The following POT1 variants were observed in gnomAD, a reference collection of about 807,000 sequenced individuals.
POT1 encodes protection of telomeres protein 1.
A neutral mutation model predicts 78.5 loss-of-function variants in POT1; 47 were observed. That is an observed-to-expected ratio of 0.60 (90% CI 0.47 to 0.76). The LOEUF is 0.76. POT1 is among the 30% of genes least tolerant of loss of function. The pLI is 0.00. For missense variants in POT1, 646 were observed against 749.9 expected, an observed-to-expected ratio of 0.86 and a Z score of 1.62; for synonymous variants, 259 against 260.7, an observed-to-expected ratio of 0.99 and a Z score of 0.06.
chr7:124,922,034 G>T (rs896223276), intron 2 of POT1, among the ~76,000 whole-genome samples: 12 of 151,822 alleles, frequency 7.9e-5, no homozygotes, highest in East Asian at 3.9e-4. Flanking sequence ...AAACAGAAAG[G>T]TGGCAGGAAA....
At chr7:124,835,843 G>C (rs1164436264) in intron 14 of POT1, among the ~76,000 whole-genome samples, 1 of 152,116 alleles carries the variant, frequency 6.6e-6, no homozygotes, top group Non-Finnish European at 1.5e-5. Context: ...ATATAGATAT[G>C]AGTAGTTCAT....
intron 6 of POT1, among the ~76,000 whole-genome samples, chr7:124,875,377 G>C (rs6973294): frequency 4.1e-4 from 63 of 152,194 alleles, no homozygotes; most frequent in Admixed American, 1.1e-3. Context: ...TCTAAAGGAT[G>C]ATACAAGAAT....
chr7:124,867,116 A>G (rs948827802), intron 7 of POT1, among the ~76,000 whole-genome samples: 3 of 152,170 alleles, frequency 2.0e-5, no homozygotes, highest in African/African-American at 4.8e-5. Context: ...TAGCTTTCAC[A>G]TATCATTTAT....
chr7:124,829,488 G>T, intron 15 of POT1, 146 bp from the exon 16 acceptor site: 1 of 552,418 alleles, frequency 1.8e-6, no homozygotes. Flanking sequence ...TAATGTGCTT[G>T]TTTGTTTCAC....
rs141117099 is a variant in POT1 at position 124,835,175 on chromosome 7, T to C, written c.1505+104A>G. 248 of 1,359,112 alleles carry C rather than the reference T, an allele frequency of 1.8e-4. No individual in the cohort carries two copies. The East Asian group carries it at 3.0e-3, about 16-fold the overall frequency. 84.2% of individuals were successfully genotyped at this position (1,359,112 alleles called of 1,614,324 possible). ...GGTTGATGGGTGCAGCAAACCACAATAGCACGTGTATACCTACGTAACAAA... is the reference window on the plus strand; with the variant it reads ...GGTTGATGGGTGCAGCAAACCACAACAGCACGTGTATACCTACGTAACAAA... On this transcript the variant is annotated intron_variant, in intron 15 of 18. Transcript: ENST00000357628.
At chr7:124,831,999 TA>T (rs752861454) in intron 15 of POT1, among the ~76,000 whole-genome samples, 6,683 of 75,742 alleles carry the variant, frequency 0.088, 167 homozygotes, top group African/African-American at 0.14. Flanking sequence ...TTCTTAAAAA[TA>T]AAAAAAAAAA....
At chr7:124,876,773 AATAC>A (rs1440995719) in intron 6 of POT1, among the ~76,000 whole-genome samples, 1 of 152,192 alleles carries the variant, frequency 6.6e-6, no homozygotes, top group African/African-American at 2.4e-5. Context: ...TTCCACAGCA[AATAC>A]ATACTCTGTA....
intron 11 of POT1, among the ~76,000 whole-genome samples, chr7:124,849,278 A>C (rs1795245386): frequency 6.6e-6 from 1 of 152,176 alleles, no homozygotes; most frequent in Non-Finnish European, 1.5e-5. Context: ...AAAATGTGTA[A>C]AACATACATG....
At chr7:124,861,888 A>G (rs553457384) in intron 8 of POT1, among the ~76,000 whole-genome samples, 2 of 152,230 alleles carry the variant, frequency 1.3e-5, no homozygotes, top group South Asian at 4.2e-4. Flanking sequence ...TGTTTTTGTC[A>G]GGTTTGTCAA....
chr7:124,858,674 AT>A (rs959502531), intron 9 of POT1: 4 of 202,034 alleles, frequency 2.0e-5, no homozygotes, highest in African/African-American at 6.9e-5. Flanking sequence ...CTAAAGCAGT[AT>A]TATCTCACAC....
chr7:124,902,594 A>G (rs948754814), intron 3 of POT1, among the ~76,000 whole-genome samples: 1 of 152,240 alleles, frequency 6.6e-6, no homozygotes, highest in African/African-American at 2.4e-5. Flanking sequence ...AAGACCATTG[A>G]GGCTAGGAAG....
chr7:124,921,477 T>C (rs951963655), intron 2 of POT1, among the ~76,000 whole-genome samples: 3 of 151,616 alleles, frequency 2.0e-5, no homozygotes, highest in African/African-American at 4.8e-5. Flanking sequence ...GGAAAATAAA[T>C]AGAAATAAAA....
chr7:124,870,469 G>T (rs1795840311), intron 7 of POT1, among the ~76,000 whole-genome samples: 1 of 151,894 alleles, frequency 6.6e-6, no homozygotes, highest in Non-Finnish European at 1.5e-5. Flanking sequence ...TTTATACTTA[G>T]TATCTCAATG....
intron 2 of POT1, among the ~76,000 whole-genome samples, chr7:124,918,511 C>A (rs895358006): frequency 4.6e-5 from 7 of 152,118 alleles, no homozygotes; most frequent in Admixed American, 1.3e-4. Flanking sequence ...AGTAAACGAC[C>A]TTTTTGGGTG....
At chr7:124,863,705 G>T in intron 7 of POT1, 65 bp from the exon 8 acceptor site, 3 of 1,224,654 alleles carry the variant, frequency 2.4e-6, no homozygotes, top group East Asian at 2.3e-5. Flanking sequence ...CACAACCTAC[G>T]AACCAAAGAA....
intron 2 of POT1, among the ~76,000 whole-genome samples, chr7:124,928,593 C>T (rs1323970947): frequency 1.3e-5 from 2 of 152,208 alleles, no homozygotes; most frequent in African/African-American, 4.8e-5. Flanking sequence ...TATATTTATT[C>T]ATCTTTGTAC....
intron 7 of POT1, among the ~76,000 whole-genome samples, chr7:124,864,306 T>C (rs963920978): frequency 1.3e-5 from 2 of 152,178 alleles, no homozygotes; most frequent in African/African-American, 4.8e-5. Flanking sequence ...CTAACTTGTT[T>C]AGGTCTTCAT....
At chr7:124,911,081 C>A (rs769280335) in intron 3 of POT1, among the ~76,000 whole-genome samples, 2 of 151,956 alleles carry the variant, frequency 1.3e-5, no homozygotes, top group East Asian at 1.9e-4. Flanking sequence ...TTCATAAATG[C>A]AAAATTTTTA....
At chr7:124,910,349 G>T (rs1039956806) in intron 3 of POT1, among the ~76,000 whole-genome samples, 2 of 151,928 alleles carry the variant, frequency 1.3e-5, no homozygotes, top group African/African-American at 4.8e-5. Flanking sequence ...AGATAGAGCG[G>T]TTTCTCTACT....
Sources: gnomAD v4.1 joint callset for allele counts (sites outside exome capture counted in the v4.1 genomes callset) on GRCh38, gnomAD v4.1.1 for gene constraint, MANE v1.5 for transcripts, NCBI Gene and HGNC (gene_info 2026-07-23, HGNC 2026-07-21) for gene names.